The following PIAS4 variants were observed in gnomAD, a reference collection of about 807,000 sequenced individuals.
The protein encoded by PIAS4 is protein inhibitor of activated STAT 4.
A neutral mutation model predicts 58.0 loss-of-function variants in PIAS4; 7 were observed. The observed-to-expected ratio is 0.12, with a 90% CI of 0.07 to 0.23. The LOEUF (loss-of-function observed/expected upper bound fraction) is 0.23. Ranked by LOEUF, PIAS4 falls within the 10% of genes least tolerant of loss-of-function variation. The pLI, the probability that PIAS4 is intolerant of heterozygous loss-of-function variation, is 1.00. For synonymous variants in PIAS4, 364 were observed against 312.4 expected, an observed-to-expected ratio of 1.17 and a Z score of -1.74; for missense variants, 550 against 709.5, an observed-to-expected ratio of 0.78 and a Z score of 2.55.
intron 2 of PIAS4, among the ~76,000 whole-genome samples, chr19:4,016,513 C>T (rs1295045223): frequency 3.3e-5 from 5 of 152,222 alleles, no homozygotes; most frequent in African/African-American, 9.6e-5. Context: ...AGCAAGGTAG[C>T]GTGGTCCCTG....
chr19:4,033,301 C>T, intron 8 of PIAS4, 119 bp from the exon 9 acceptor site: 1 of 1,340,050 alleles, frequency 7.5e-7, no homozygotes, highest in Non-Finnish European at 1.0e-6. Context: ...TTCGTCCCCT[C>T]CGTGTTCCTG....
At chr19:4,010,886 G>A (rs2039986290) in intron 1 of PIAS4, among the ~76,000 whole-genome samples, 1 of 152,234 alleles carries the variant, frequency 6.6e-6, no homozygotes, top group South Asian at 2.1e-4. Context: ...CTTTGGGCAG[G>A]GCTGGGCCGC....
At chr19:4,012,707 C>T (rs985907295) in intron 1 of PIAS4, among the ~76,000 whole-genome samples, 4 of 149,736 alleles carry the variant, frequency 2.7e-5, no homozygotes, top group Non-Finnish European at 4.4e-5. Flanking sequence ...GCTGCGTTGG[C>T]GATGCTGGGG....
rs775241310 is a variant in PIAS4, at chr19:4,028,494, C to T, written c.582-16C>T. 2 of 1,602,298 alleles carry T rather than the reference C, an allele frequency of 1.2e-6. No homozygotes were observed. The highest frequency in any genetic ancestry group is 1.7e-5 in the Admixed American group (1 of 59,696). Reference sequence around the variant, plus strand: ...TGCGCCCCCTCCCCGCCCCATGGTCCCTGTTGTCGTTGCAGAATCTGTTAC... The same window carrying T: ...TGCGCCCCCTCCCCGCCCCATGGTCTCTGTTGTCGTTGCAGAATCTGTTAC... On this transcript the variant is annotated splice_polypyrimidine_tract_variant and intron_variant, in intron 4 of 10. Coordinates refer to ENST00000262971, the MANE Select transcript of PIAS4 (RefSeq NM_015897.4).
rs1235873743 is a variant in PIAS4 at position 4,037,020 on chromosome 19, C to T, written c.1143-354C>T. 6.6e-6 allele frequency among the ~76,000 whole-genome samples: 1 copy of T among 152,238 alleles called. No individual in the cohort carries two copies. Among genetic ancestry groups the T allele is most frequent in the Non-Finnish European group, 1.5e-5 (1 of 68,044 alleles). ...ACAGATACACTCACGTCCACACACG[C>T]TCAAACATGCGTGCACACCCGGAGG... is the stretch of plus-strand genomic sequence containing the variant. On this transcript the variant is annotated intron_variant, in intron 9 of 10. Coordinates refer to ENST00000262971, the MANE Select transcript of PIAS4 (RefSeq NM_015897.4). The surrounding 1 kb of genome is among the most constrained non-coding windows in gnomAD (Gnocchi z 5.8).
intron 9 of PIAS4, among the ~76,000 whole-genome samples, chr19:4,036,698 A>G (rs1433065559): frequency 6.8e-6 from 1 of 146,240 alleles, no homozygotes; most frequent in Non-Finnish European, 1.5e-5. Flanking sequence ...CATATAGTCC[A>G]CACCATCATA....
At chr19:4,020,243 C>T (rs911254207) in intron 2 of PIAS4, among the ~76,000 whole-genome samples, 2 of 152,126 alleles carry the variant, frequency 1.3e-5, no homozygotes, top group Non-Finnish European at 2.9e-5. Context: ...GAGAAAGTTC[C>T]AAGACAGTGC....
chr19:4,025,596 T>C (rs1047844780), intron 3 of PIAS4, among the ~76,000 whole-genome samples: 3 of 152,124 alleles, frequency 2.0e-5, no homozygotes, highest in Admixed American at 1.3e-4. Context: ...CCCTCACACC[T>C]AGTAAGGGTT....
Position 4,028,764 on chromosome 19 carries a change from G to A in PIAS4, c.717G>A (p.Pro239=), listed in dbSNP as rs200770026. 75 of 1,613,258 alleles carry A rather than the reference G, an allele frequency of 4.6e-5. No homozygotes were observed. Among genetic ancestry groups the A allele is most frequent in the Admixed American group, 2.0e-4 (12 of 59,996 alleles). Residue 239 remains proline, a synonymous_variant, in exon 6 of 11, where the codon CCG becomes CCA. Transcript: ENST00000262971. ...SNKPGVEPKR[P]CRPINLTHLM... is the part of the protein sequence containing the mutation. ...AGCCCGGGGTGGAGCCCAAGAGGCC[G>A]TGCCGCCCCATCAACCTCACCCACC...
At chr19:4,019,815 C>T (rs74826479) in intron 2 of PIAS4, among the ~76,000 whole-genome samples, 15,240 of 152,212 alleles carry the variant, frequency 0.1, 854 homozygotes, top group South Asian at 0.18. Context: ...GCCACAGACC[C>T]GGCACCGGTC....
At chr19:4,020,917 C>A (rs370491114) in intron 2 of PIAS4, among the ~76,000 whole-genome samples, 53 of 152,272 alleles carry the variant, frequency 3.5e-4, no homozygotes, top group African/African-American at 1.2e-3. Flanking sequence ...TTTCTTTGAA[C>A]GCATGTTTCC....
rs1396546893 is a variant in PIAS4, at chr19:4,028,180, G to A, written c.574G>A (p.Val192Ile). The A allele has an allele frequency of 5.0e-6, 8 of 1,612,256 alleles. No homozygotes were observed. Among genetic ancestry groups the A allele is most frequent in the East Asian group, 4.5e-5 (2 of 44,858 alleles). ...GCCCGGAGTTAAAGCCGTGCAGGTCGTCCTGAGGTATGCCCAGGTGTGCCC... is the reference window on the plus strand; with the variant it reads ...GCCCGGAGTTAAAGCCGTGCAGGTCATCCTGAGGTATGCCCAGGTGTGCCC... Reference protein sequence around the residue: ...LQPGVKAVQVVLRICYSDTSC... With the variant: ...LQPGVKAVQVILRICYSDTSC... Residue 192 changes from valine (V) to isoleucine (I), a missense_variant, in exon 4 of 11, where the codon GTC becomes ATC. By Grantham distance (29) the Val-to-Ile change is conservative. This residue lies in a region of PIAS4 where 225 missense variants were observed against 345.8 expected (regional missense o/e 0.65). Coordinates refer to ENST00000262971, the MANE Select transcript of PIAS4 (RefSeq NM_015897.4).
At chr19:4,036,441 AAC>A (rs966414127) in intron 9 of PIAS4, among the ~76,000 whole-genome samples, 3 of 104,704 alleles carry the variant, frequency 2.9e-5, no homozygotes, top group Non-Finnish European at 5.5e-5. Context: ...CTGTCATACA[AAC>A]ACACACACAT....
intron 9 of PIAS4, among the ~76,000 whole-genome samples, chr19:4,036,099 TACAAAC>T (rs1568221941): frequency 2.6e-5 from 1 of 37,786 alleles, no homozygotes; most frequent in African/African-American, 1.0e-4. Flanking sequence ...CACACCGTCA[TACAAAC>T]ACACACACAT....
At chr19:4,032,160 G>A (rs2040228336) in intron 7 of PIAS4, among the ~76,000 whole-genome samples, 1 of 152,184 alleles carries the variant, frequency 6.6e-6, no homozygotes, top group Non-Finnish European at 1.5e-5. Context: ...CCAATAAGGG[G>A]TGGTAGGGGC....
chr19:4,031,509 C>T (rs1489490904), intron 7 of PIAS4, among the ~76,000 whole-genome samples: 2 of 152,204 alleles, frequency 1.3e-5, no homozygotes, highest in Non-Finnish European at 1.5e-5. Flanking sequence ...CCCCACCTCC[C>T]TCTTCCCTCA....
intron 7 of PIAS4, among the ~76,000 whole-genome samples, chr19:4,032,447 A>G (rs576888598): frequency 6.6e-6 from 1 of 152,238 alleles, no homozygotes; most frequent in Non-Finnish European, 1.5e-5. Flanking sequence ...TCAGGAGGGC[A>G]GCCAGGGTCC....
intron 1 of PIAS4, among the ~76,000 whole-genome samples, chr19:4,008,041 C>G (rs2039959961): frequency 1.3e-5 from 2 of 151,702 alleles, no homozygotes; most frequent in African/African-American, 4.8e-5. Flanking sequence ...AGGGTCCCCC[C>G]ACCCAGCCCG....
chr19:4,028,361 A>G, intron 4 of PIAS4, 149 bp from the exon 5 acceptor site: 2 of 783,982 alleles, frequency 2.6e-6, no homozygotes, highest in Non-Finnish European at 4.2e-6. Context: ...ACCCCCACTC[A>G]GGCCACACCC....
Sources: gnomAD v4.1 joint callset for allele counts (sites outside exome capture counted in the v4.1 genomes callset) on GRCh38, gnomAD v4.1.1 for gene constraint, gnomAD v4.1.1 regional missense constraint, Gnocchi (gnomAD v3.1) non-coding constraint, MANE v1.5 for transcripts, NCBI Gene and HGNC (gene_info 2026-07-23, HGNC 2026-07-21) for gene names.